Variants in MKLN1 observed in about 807,000 individuals in gnomAD.
MKLN1 encodes muskelin 1.
Under a neutral mutation model 99.0 loss-of-function variants are expected in MKLN1, and 18 were observed. The observed-to-expected ratio is 0.18, with a 90% CI of 0.13 to 0.27. MKLN1 has a LOEUF of 0.27. Among genes scored for constraint, MKLN1 ranks in the 10% least tolerant of loss-of-function variants. The probability of loss-of-function intolerance (pLI) is 1.00; values close to 1 mark genes in which losing one functional copy is unlikely to be tolerated. For synonymous variants in MKLN1, 288 were observed against 293.2 expected, an observed-to-expected ratio of 0.98 and a Z score of 0.18; for missense variants, 621 against 875.9, an observed-to-expected ratio of 0.71 and a Z score of 3.67.
At chr7:131,257,987 G>A (rs557778946) in intron 3 of MKLN1, among the ~76,000 whole-genome samples, 1 of 152,032 alleles carries the variant, frequency 6.6e-6, no homozygotes, top group Admixed American at 6.5e-5. Context: ...TGGGCGTGGT[G>A]GAGTGTTCCT....
chr7:131,345,559 G>A (rs571183160), intron 1 of MKLN1, among the ~76,000 whole-genome samples: 7 of 152,146 alleles, frequency 4.6e-5, no homozygotes, highest in Admixed American at 1.3e-4. Flanking sequence ...TCTACAAAAC[G>A]TTAAATTAGT....
intron 2 of MKLN1, among the ~76,000 whole-genome samples, chr7:131,151,233 A>G (rs1458690529): frequency 1.3e-5 from 2 of 152,238 alleles, no homozygotes; most frequent in Non-Finnish European, 2.9e-5. Flanking sequence ...AGCTGTGAAA[A>G]TAGGACTCTG....
At chr7:131,427,797 AC>A (rs1331708066) in intron 8 of MKLN1, among the ~76,000 whole-genome samples, 19 of 152,016 alleles carry the variant, frequency 1.2e-4, no homozygotes, top group Admixed American at 8.5e-4. Flanking sequence ...CTTGTGATCC[AC>A]CTGCCTCAGC....
intron 1 of MKLN1, among the ~76,000 whole-genome samples, chr7:131,133,514 C>T (rs1228444727): frequency 3.3e-5 from 5 of 151,428 alleles, no homozygotes; most frequent in Admixed American, 6.6e-5. Flanking sequence ...CCACCATGCC[C>T]GGCTACTTTT....
intron 3 of MKLN1, among the ~76,000 whole-genome samples, chr7:131,206,247 T>C (rs6960071): frequency 0.46 from 70,461 of 151,986 alleles, 17,077 homozygotes; most frequent in South Asian, 0.61. Context: ...ATAATCCCCA[T>C]ATTTTAAAGT....
intron 3 of MKLN1, chr7:131,309,788 C>G (rs950380408): frequency 1.4e-5 from 2 of 141,426 alleles, no homozygotes; most frequent in Admixed American, 1.6e-4. Context: ...TGCAGTGGTG[C>G]CATGTCAGCT....
At chr7:131,327,855 C>G, upstream of MKLN1, 2 of 1,602,296 alleles carry the variant, frequency 1.2e-6, no homozygotes, top group Non-Finnish European at 1.7e-6. Flanking sequence ...CCCCTCCTCC[C>G]GTTCGCTGCC....
intron 11 of MKLN1, among the ~76,000 whole-genome samples, chr7:131,444,363 C>T (rs896562468): frequency 4.0e-5 from 6 of 151,778 alleles, no homozygotes; most frequent in Admixed American, 6.6e-5. Context: ...GTGATCCACC[C>T]GCCTCTGCCT....
chr7:131,176,179 A>G (rs1239595726), intron 2 of MKLN1, among the ~76,000 whole-genome samples: 1 of 152,188 alleles, frequency 6.6e-6, no homozygotes, highest in African/African-American at 2.4e-5. Context: ...AATTTATACG[A>G]AATAATAATT....
intron 1 of MKLN1, among the ~76,000 whole-genome samples, chr7:131,121,192 G>A (rs886559599): frequency 5.3e-5 from 8 of 152,090 alleles, no homozygotes; most frequent in African/African-American, 1.9e-4. Flanking sequence ...AACAGATCTC[G>A]TGAGAACTCA....
intron 2 of MKLN1, among the ~76,000 whole-genome samples, chr7:131,190,966 G>A (rs903088337): frequency 6.6e-6 from 1 of 152,220 alleles, no homozygotes; most frequent in African/African-American, 2.4e-5. Context: ...TTGAGCTACA[G>A]ATTCTGATTC....
At chr7:131,326,953 T>C (rs923300662), upstream of MKLN1, 2 of 152,204 alleles carry the variant, frequency 1.3e-5, no homozygotes, top group Non-Finnish European at 2.9e-5. Context: ...AAGGAATAAA[T>C]ATGCATAACT....
At chr7:131,310,731 C>T (rs938544850) in intron 3 of MKLN1, 4 of 152,148 alleles carry the variant, frequency 2.6e-5, no homozygotes, top group African/African-American at 9.7e-5. Context: ...TATGTCATTC[C>T]AGTCAAATCC....
chr7:131,430,917 A>ACCCTGTC (rs747988531), intron 9 of MKLN1, among the ~76,000 whole-genome samples: 190 of 152,104 alleles, frequency 1.2e-3, no homozygotes, highest in Non-Finnish European at 2.2e-3. Context: ...ACAGAGCAAG[A>ACCCTGTC]CCCTGTCTCA....
chr7:131,318,040 A>G (rs1207016917), intron 3 of MKLN1, among the ~76,000 whole-genome samples: 1 of 152,174 alleles, frequency 6.6e-6, no homozygotes, highest in Non-Finnish European at 1.5e-5. Flanking sequence ...TGTCAATATT[A>G]GACAGATCAA....
chr7:131,335,406 A>G (rs1799222305), intron 1 of MKLN1, among the ~76,000 whole-genome samples: 1 of 152,162 alleles, frequency 6.6e-6, no homozygotes, highest in African/African-American at 2.4e-5. Flanking sequence ...AGAGAAAGGA[A>G]ATATCATAGT....
At chr7:131,272,130 C>T (rs113980655) in intron 3 of MKLN1, among the ~76,000 whole-genome samples, 6,338 of 152,190 alleles carry the variant, frequency 0.042, 153 homozygotes, top group South Asian at 0.082. Flanking sequence ...GCTCTGGAAG[C>T]GAAGGCCTCT....
At chr7:131,132,197 G>T (rs1795561867) in intron 1 of MKLN1, among the ~76,000 whole-genome samples, 1 of 152,178 alleles carries the variant, frequency 6.6e-6, no homozygotes, top group Non-Finnish European at 1.5e-5. Context: ...GATTTGAGTT[G>T]ATCATAAAAC....
At chr7:131,129,514 C>A (rs1369818880) in intron 1 of MKLN1, among the ~76,000 whole-genome samples, 1 of 152,128 alleles carries the variant, frequency 6.6e-6, no homozygotes, top group African/African-American at 2.4e-5. Flanking sequence ...ATGATGAAAT[C>A]TATGTATCCA....
Sources: gnomAD v4.1 joint callset for allele counts (sites outside exome capture counted in the v4.1 genomes callset) on GRCh38, gnomAD v4.1.1 for gene constraint, MANE v1.5 for transcripts, NCBI Gene and HGNC (gene_info 2026-07-23, HGNC 2026-07-21) for gene names.